FRY: variants seen among roughly 807,000 people sequenced by gnomAD.
FRY encodes protein furry homolog.
Under a neutral mutation model 348.4 loss-of-function variants are expected in FRY, and 128 were observed. The observed-to-expected ratio is 0.37, with a 90% CI of 0.32 to 0.43. The LOEUF is 0.43. Ranked by LOEUF, FRY falls within the 20% of genes least tolerant of loss-of-function variation. The pLI, the probability that FRY is intolerant of heterozygous loss-of-function variation, is 1.00. For missense variants in FRY, 2,736 were observed against 3,695.2 expected, an observed-to-expected ratio of 0.74 and a Z score of 6.73; for synonymous variants, 1,370 against 1,374.7, an observed-to-expected ratio of 1.00 and a Z score of 0.08.
At chr13:32,156,951 A>G (rs1881153380) in intron 15 of FRY, among the ~76,000 whole-genome samples, 1 of 152,220 alleles carries the variant, frequency 6.6e-6, no homozygotes, top group African/African-American at 2.4e-5. Flanking sequence ...GAATTTTCTT[A>G]TGCTAACTAG....
At chr13:32,169,085 C>T (rs1881910588) in intron 17 of FRY, among the ~76,000 whole-genome samples, 1 of 152,184 alleles carries the variant, frequency 6.6e-6, no homozygotes, top group Non-Finnish European at 1.5e-5. Context: ...ATTGACTCTG[C>T]CATGTTCCGC....
In FRY at chr13:32,069,016, C is replaced by T. The variant is rs189665599; in HGVS notation, c.71-9818C>T. Among the ~76,000 whole-genome samples, 709 of 151,504 alleles carry T rather than the reference C, an allele frequency of 4.7e-3. 3 individuals carry two copies. Among genetic ancestry groups the T allele is most frequent in the South Asian group, 0.022 (106 of 4,782 alleles). ...CTGCAAGCTCCGCCTGCCGGGTTCACGCCCATTCTCCTGCCTCAGCCTCCC... is the reference window on the plus strand; with the variant it reads ...CTGCAAGCTCCGCCTGCCGGGTTCATGCCCATTCTCCTGCCTCAGCCTCCC... On this transcript the variant is annotated intron_variant, in intron 1 of 60. Coordinates refer to ENST00000542859, the MANE Select transcript of FRY (RefSeq NM_023037.3).
intron 35 of FRY, among the ~76,000 whole-genome samples, chr13:32,214,731 C>A (rs2138374020): frequency 6.6e-6 from 1 of 152,320 alleles, no homozygotes; most frequent in Non-Finnish European, 1.5e-5. Flanking sequence ...TGGAGGACAG[C>A]AATTTACTCC....
At chr13:32,217,135 A>G (rs1424800859) in intron 35 of FRY, among the ~76,000 whole-genome samples, 4 of 152,196 alleles carry the variant, frequency 2.6e-5, no homozygotes, top group African/African-American at 9.7e-5. Flanking sequence ...CCCAAAAGAA[A>G]TAGAGTATTG....
chr13:32,123,086 A>G (rs1878778262), intron 4 of FRY, among the ~76,000 whole-genome samples: 2 of 152,262 alleles, frequency 1.3e-5, no homozygotes, highest in East Asian at 3.8e-4. Flanking sequence ...GGATAGGTAG[A>G]ATCAATATTG....
At chr13:32,155,804 G>T in intron 15 of FRY, 142 bp downstream of exon 15, 1 of 614,714 alleles carries the variant, frequency 1.6e-6, no homozygotes, top group South Asian at 2.2e-5. Context: ...TGTTTTGATT[G>T]ATTCATGCTG....
intron 2 of FRY, among the ~76,000 whole-genome samples, chr13:32,092,455 T>C (rs1876377905): frequency 6.6e-6 from 1 of 152,186 alleles, no homozygotes; most frequent in Non-Finnish European, 1.5e-5. Flanking sequence ...CCAAAATTGT[T>C]TGAAAATTAA....
At chr13:32,221,102 C>G (rs1885291157) in intron 36 of FRY, among the ~76,000 whole-genome samples, 1 of 152,106 alleles carries the variant, frequency 6.6e-6, no homozygotes, top group African/African-American at 2.4e-5. Context: ...CCACTGAAAC[C>G]CTCTTAGCCA....
Position 32,274,566 on chromosome 13 carries a change from T to A in FRY, c.8137-276T>A, listed in dbSNP as rs1183146925. On this transcript the variant is annotated intron_variant, in intron 55 of 60. Transcript: ENST00000542859. ...AAAAATACAAAAAATTAGCCAGGCG[T>A]GGTGGCAGGCACCTGTAGTCCCAGC... 3.8e-4 allele frequency among the ~76,000 whole-genome samples: 58 copies of A among 151,682 alleles called. 1 individual carries two copies. The Middle Eastern group carries it at 0.01, about 27-fold the overall frequency.
intron 41 of FRY, among the ~76,000 whole-genome samples, chr13:32,231,953 C>T (rs1466624860): frequency 2.6e-5 from 4 of 152,218 alleles, no homozygotes; most frequent in Non-Finnish European, 4.4e-5. Context: ...CTGGCTTTTC[C>T]AGCTGCTCTG....
At chr13:32,153,597 T>C (rs1880930202) in intron 14 of FRY, among the ~76,000 whole-genome samples, 1 of 152,174 alleles carries the variant, frequency 6.6e-6, no homozygotes, top group Non-Finnish European at 1.5e-5. Context: ...GGATCTTGAT[T>C]CTGTTGATGG....
At chr13:32,099,025 G>A (rs923782477) in intron 2 of FRY, among the ~76,000 whole-genome samples, 5 of 151,788 alleles carry the variant, frequency 3.3e-5, no homozygotes, top group Non-Finnish European at 7.4e-5. Context: ...GCAGGGGTGG[G>A]GCTTGTATAT....
chr13:32,170,599 C>T (rs1313737407), intron 17 of FRY, among the ~76,000 whole-genome samples: 1 of 152,180 alleles, frequency 6.6e-6, no homozygotes, highest in Admixed American at 6.5e-5. Context: ...TGCAGTGGCA[C>T]GATCTTGGCT....
chr13:32,275,219 A>C, intron 56 of FRY: 1 of 306,464 alleles, frequency 3.3e-6, no homozygotes, highest in East Asian at 5.7e-5. Flanking sequence ...TCTATTAAAA[A>C]TACAAAAAAA....
At chr13:32,051,863 A>G (rs1410978447) in intron 1 of FRY, among the ~76,000 whole-genome samples, 1 of 152,234 alleles carries the variant, frequency 6.6e-6, no homozygotes, top group Non-Finnish European at 1.5e-5. Flanking sequence ...GAGCTAGCAC[A>G]AGACAATGTG....
chr13:32,203,415 G>T (rs1593735314), intron 31 of FRY, among the ~76,000 whole-genome samples: 1 of 152,184 alleles, frequency 6.6e-6, no homozygotes, highest in East Asian at 1.9e-4. Context: ...GTTAGGTAAT[G>T]CAGAATTGCT....
intron 46 of FRY, among the ~76,000 whole-genome samples, chr13:32,243,655 T>C (rs1417399948): frequency 6.6e-6 from 1 of 152,220 alleles, no homozygotes; most frequent in Non-Finnish European, 1.5e-5. Context: ...ATAATTGGTG[T>C]CTGATGCTTT....
chr13:32,288,734 A>G (rs958258873), intron 58 of FRY, among the ~76,000 whole-genome samples: 1 of 152,194 alleles, frequency 6.6e-6, no homozygotes, highest in African/African-American at 2.4e-5. Context: ...TATTTAATCC[A>G]CTTTCACTGG....
chr13:32,208,226 G>A (rs189015412), intron 31 of FRY, among the ~76,000 whole-genome samples: 3 of 152,302 alleles, frequency 2.0e-5, no homozygotes, highest in East Asian at 3.9e-4. Flanking sequence ...CTAGAGATCC[G>A]CATGTCACTT....
Sources: gnomAD v4.1 joint callset for allele counts (sites outside exome capture counted in the v4.1 genomes callset) on GRCh38, gnomAD v4.1.1 for gene constraint, MANE v1.5 for transcripts, NCBI Gene and HGNC (gene_info 2026-07-23, HGNC 2026-07-21) for gene names.